Variants in PCDH15 observed in about 807,000 individuals in gnomAD.
PCDH15 encodes protocadherin-15.
In PCDH15, 129 loss-of-function variants were observed where a neutral mutation model predicts 178.5. The observed-to-expected ratio is 0.72, with a 90% CI of 0.63 to 0.84. PCDH15 has a LOEUF of 0.84. PCDH15 is among the 40% of genes least tolerant of loss of function. The pLI is 0.00. For synonymous variants in PCDH15, 800 were observed against 732.0 expected (o/e 1.09, Z -1.50); for missense variants, 2,230 against 2,099.9 (o/e 1.06, Z -1.21).
chr10:53,897,599 AC>A (rs2082038151), intron 26 of PCDH15, among the ~76,000 whole-genome samples: 4 of 21,954 alleles, frequency 1.8e-4, no homozygotes, highest in Non-Finnish European at 5.3e-4. Flanking sequence ...AAGTGTATTC[AC>A]ATTGTTCTGC....
At chr10:54,495,151 G>A (rs961597834) in intron 3 of PCDH15, among the ~76,000 whole-genome samples, 16 of 152,014 alleles carry the variant, frequency 1.1e-4, no homozygotes, top group African/African-American at 3.6e-4. Context: ...GCTAATAATG[G>A]TCTATGATCC....
At chr10:55,401,166 C>T (rs1296762358) in intron 2 of PCDH15, among the ~76,000 whole-genome samples, 2 of 151,970 alleles carry the variant, frequency 1.3e-5, no homozygotes, top group Non-Finnish European at 2.9e-5. Flanking sequence ...AAACTAGCTT[C>T]GGGAACACTA....
chr10:54,739,492 T>C (rs900226432), intron 1 of PCDH15, among the ~76,000 whole-genome samples: 1 of 151,156 alleles, frequency 6.6e-6, no homozygotes, highest in South Asian at 2.1e-4. Context: ...AAAATGTTCA[T>C]ACCAGCTAAA....
At chr10:53,834,469 C>T (rs917165679) in intron 29 of PCDH15, among the ~76,000 whole-genome samples, 1 of 150,700 alleles carries the variant, frequency 6.6e-6, no homozygotes, top group Non-Finnish European at 1.5e-5. Context: ...GCTTACTTAT[C>T]CTAAAAAAGA....
intron 2 of PCDH15, among the ~76,000 whole-genome samples, chr10:55,547,910 T>TGAGA (rs763752387): frequency 0.016 from 891 of 54,514 alleles, 15 homozygotes; most frequent in South Asian, 0.031. Flanking sequence ...TGTGTGTGTG[T>TGAGA]GAGAGAGAGA....
At chr10:55,332,471 T>C (rs7915469) in intron 2 of PCDH15, among the ~76,000 whole-genome samples, 9,479 of 152,196 alleles carry the variant, frequency 0.062, 688 homozygotes, top group African/African-American at 0.18. Context: ...TAACTTCCAA[T>C]TGACACTAAA....
At chr10:53,824,759 T>A (rs4540756) in intron 32 of PCDH15, among the ~76,000 whole-genome samples, 62,865 of 151,856 alleles carry the variant, frequency 0.41, 13,490 homozygotes, top group East Asian at 0.74. Context: ...TTTCTCTTGG[T>A]AAAGCACCCA....
intron 2 of PCDH15, among the ~76,000 whole-genome samples, chr10:54,542,916 C>A (rs1365227614): frequency 2.0e-5 from 3 of 152,140 alleles, no homozygotes; most frequent in African/African-American, 7.2e-5. Context: ...CCCTAGCAGG[C>A]AGATACAAAT....
chr10:54,870,861 C>T (rs868699448), intron 3 of PCDH15, among the ~76,000 whole-genome samples: 9 of 152,210 alleles, frequency 5.9e-5, no homozygotes, highest in African/African-American at 2.2e-4. Flanking sequence ...TCGCTGGTAT[C>T]TCCTATCCAC....
intron 2 of PCDH15, among the ~76,000 whole-genome samples, chr10:55,331,299 G>A (rs1334796132): frequency 6.6e-6 from 1 of 151,904 alleles, no homozygotes; most frequent in Admixed American, 6.6e-5. Context: ...TACTGTAGGT[G>A]ATGTGCCATA....
At chr10:54,328,404 A>G (rs16905927) in intron 7 of PCDH15, among the ~76,000 whole-genome samples, 33,696 of 151,866 alleles carry the variant, frequency 0.22, 3,848 homozygotes, top group African/African-American at 0.27. Flanking sequence ...TTTTTTCTCA[A>G]GGGGTACTCC....
intron 2 of PCDH15, among the ~76,000 whole-genome samples, chr10:54,897,823 C>T (rs1954570477): frequency 6.6e-6 from 1 of 152,120 alleles, no homozygotes; most frequent in African/African-American, 2.4e-5. Context: ...GGAAATAATG[C>T]ATAAGGCATA....
chr10:53,908,382 T>C (rs2082828226), intron 25 of PCDH15, among the ~76,000 whole-genome samples: 1 of 152,236 alleles, frequency 6.6e-6, no homozygotes. Flanking sequence ...AATGCTATAG[T>C]AATACCCTCT....
At chr10:55,132,790 C>A (rs779926772) in intron 2 of PCDH15, among the ~76,000 whole-genome samples, 57 of 152,076 alleles carry the variant, frequency 3.7e-4, no homozygotes, top group Non-Finnish European at 5.6e-4. Context: ...TTGTAGTTAT[C>A]CTCATTTTAC....
At chr10:54,932,705 T>A (rs547566016) in intron 2 of PCDH15, among the ~76,000 whole-genome samples, 1 of 152,106 alleles carries the variant, frequency 6.6e-6, no homozygotes, top group Admixed American at 6.5e-5. Context: ...CCCAGCTAAT[T>A]TTTGCATTTT....
intron 1 of PCDH15, among the ~76,000 whole-genome samples, chr10:55,318,712 T>A (rs1367294499): frequency 6.6e-6 from 1 of 152,108 alleles, no homozygotes; most frequent in Non-Finnish European, 1.5e-5. Flanking sequence ...GAAAGTATAA[T>A]ATCCCAAAAT....
intron 1 of PCDH15, among the ~76,000 whole-genome samples, chr10:55,301,539 G>A (rs1843280767): frequency 6.6e-6 from 1 of 151,682 alleles, no homozygotes; most frequent in Non-Finnish European, 1.5e-5. Context: ...TTTTCTCCCA[G>A]TCTTCAAATT....
intron 1 of PCDH15, among the ~76,000 whole-genome samples, chr10:54,775,721 T>C (rs1236533101): frequency 6.6e-6 from 1 of 152,082 alleles, no homozygotes; most frequent in African/African-American, 2.4e-5. Flanking sequence ...CCGTCTCTAC[T>C]AAAAATACAA....
intron 14 of PCDH15, among the ~76,000 whole-genome samples, chr10:54,139,447 T>C (rs1384581394): frequency 1.3e-5 from 2 of 152,308 alleles, no homozygotes; most frequent in African/African-American, 4.8e-5. Flanking sequence ...ACACTTTTTG[T>C]GTAATATAAA....
Sources: allele counts gnomAD v4.1 joint callset (sites outside exome capture counted in the v4.1 genomes callset), GRCh38; gene constraint gnomAD v4.1.1; transcripts MANE v1.5; gene names NCBI Gene and HGNC (gene_info 2026-07-23, HGNC 2026-07-21).